RBAK: variants seen among roughly 807,000 people sequenced by gnomAD.
RBAK encodes RB associated KRAB zinc finger, also known as RB-associated KRAB zinc finger protein.
Under a neutral mutation model 65.8 loss-of-function variants are expected in RBAK, and 39 were observed. The observed-to-expected ratio is 0.59, with a 90% CI of 0.46 to 0.77. RBAK has a LOEUF of 0.77. RBAK is among the 30% of genes least tolerant of loss of function. The probability of loss-of-function intolerance (pLI) is 0.00; values close to 1 mark genes in which losing one functional copy is unlikely to be tolerated. For missense variants in RBAK, 884 were observed against 855.1 expected (o/e 1.03, Z -0.42); for synonymous variants, 343 against 289.7 (o/e 1.18, Z -1.87).
intron 1 of RBAK, among the ~76,000 whole-genome samples, chr7:5,047,285 G>A (rs1171063275): frequency 2.6e-5 from 4 of 152,148 alleles, no homozygotes; most frequent in East Asian, 1.9e-4. Context: ...TGTGGTCCCA[G>A]CTACTCAGGA....
At chr7:5,050,330 T>C (rs1788088591) in intron 2 of RBAK, among the ~76,000 whole-genome samples, 1 of 152,238 alleles carries the variant, frequency 6.6e-6, no homozygotes, top group African/African-American at 2.4e-5. Flanking sequence ...TTAAAAAATA[T>C]ATCTTTTATG....
In RBAK at chr7:5,063,926, A is replaced by G; in HGVS notation, c.470A>G (p.Tyr157Cys). The G allele has an allele frequency of 1.2e-6, 2 of 1,614,030 alleles. No homozygotes were observed. Among genetic ancestry groups the G allele is most frequent in the Non-Finnish European group, 1.7e-6 (2 of 1,179,912 alleles). Residue 157 changes from tyrosine (Y) to cysteine (C), a missense_variant, in exon 5 of 5, where the codon TAT (tyrosine) becomes TGT (cysteine). Coordinates refer to ENST00000396912, the MANE Select transcript of RBAK (RefSeq NM_021163.4). ...CAATTAATTAGTAGTGATGGAAGCT[A>G]TGCTAGGACAAAACCTGATGAGTGT... ...ISQLISSDGS[Y>C]ARTKPDECNE... is the part of the protein sequence containing the mutation.
rs1779261664 is a variant in RBAK, at chr7:5,067,974, A to C, written c.*2373A>C. 1 of 152,240 alleles carries C rather than the reference A, an allele frequency of 6.6e-6. No individual in the cohort carries two copies. Among genetic ancestry groups the C allele is most frequent in the African/African-American group, 2.4e-5 (1 of 41,458 alleles). The allele number at this position is 152,240 out of a possible 1,614,324, so 9.4% of individuals were successfully genotyped here. On this transcript the variant is annotated 3_prime_UTR_variant, in exon 5 of 5. Coordinates refer to ENST00000396912, the MANE Select transcript of RBAK (RefSeq NM_021163.4). ...TAGGACAGTTTGTAATCTTGGAGTA[A>C]GCAAAGGTTTATTGAGACCCAAAAA... is the stretch of plus-strand genomic sequence containing the variant.
At chr7:5,054,417 A>C (rs769624421) in intron 2 of RBAK, among the ~76,000 whole-genome samples, 54 of 151,966 alleles carry the variant, frequency 3.6e-4, no homozygotes, top group Admixed American at 1.1e-3. Flanking sequence ...AAAAAAAAAA[A>C]AAAAACCATT....
In RBAK at chr7:5,065,826, G is replaced by A. The variant is rs563438967; in HGVS notation, c.*225G>A. The A allele has an allele frequency of 2.9e-6, 1 of 347,284 alleles. No homozygotes were observed. 21.5% of individuals were successfully genotyped at this position (347,284 alleles called of 1,614,324 possible). ...GACTCATCGGACACTAATTTATATA[G>A]GAGTGAAGTTTTATAAATATTTAAT... On this transcript the variant is annotated 3_prime_UTR_variant, in exon 5 of 5. Coordinates refer to ENST00000396912, the MANE Select transcript of RBAK (RefSeq NM_021163.4). This position sits in a 1 kb window ranked among gnomAD's most constrained non-coding sequence, Gnocchi z 5.3.
chr7:5,050,710 G>A (rs1458964955), intron 2 of RBAK, among the ~76,000 whole-genome samples: 1 of 152,032 alleles, frequency 6.6e-6, no homozygotes, highest in African/African-American at 2.4e-5. Context: ...AAGTAGCTGG[G>A]AGTATAGTCA....
At chr7:5,051,556 T>A (rs967745088) in intron 2 of RBAK, among the ~76,000 whole-genome samples, 7 of 152,292 alleles carry the variant, frequency 4.6e-5, no homozygotes, top group Admixed American at 2.6e-4. Context: ...TCCCAATAAT[T>A]TCCTTTATAG....
At position 5,046,362 on chromosome 7, in the gene RBAK, G is replaced by C. The variant is rs754112473; in HGVS notation, c.-79G>C. On this transcript the variant is annotated 5_prime_UTR_variant, in exon 1 of 5. Transcript: ENST00000396912. ...CAGCAGCCCCGCCCCGGCCTCTCGG[G>C]AGCCGTGGGGCAGAGGCTGCGGAGC... 1.9e-5 allele frequency: 10 copies of C among 516,008 alleles called. No homozygotes were observed. In the Admixed American group the frequency reaches 1.9e-4, roughly 10 times the overall value. 32.0% of individuals were successfully genotyped at this position (516,008 alleles called of 1,614,324 possible).
chr7:5,046,536 C>T (rs1003272206), intron 1 of RBAK, 140 bp downstream of exon 1: 5 of 350,956 alleles, frequency 1.4e-5, no homozygotes, highest in Non-Finnish European at 2.8e-5. Flanking sequence ...GGGCAGGGTC[C>T]GGCTGCACCG....
intron 4 of RBAK, among the ~76,000 whole-genome samples, chr7:5,062,868 CGGCTCACCGGCAGTCA>C (rs1323832886): frequency 6.6e-6 from 1 of 152,192 alleles, no homozygotes; most frequent in African/African-American, 2.4e-5. Context: ...CTGTTCCACC[CGGCTCACCGGCAGTCA>C]GAGTTTAAGG....
rs1287159906 is a variant in RBAK at position 5,067,657 on chromosome 7, TTGAAA to T, written c.*2058_*2062del. The T allele has an allele frequency of 6.6e-6, 1 of 152,192 alleles. No individual in the cohort carries two copies. Among genetic ancestry groups the T allele is most frequent in the African/African-American group, 2.4e-5 (1 of 41,450 alleles). 9.4% of individuals were successfully genotyped at this position (152,192 alleles called of 1,614,324 possible). On this transcript the variant is annotated 3_prime_UTR_variant, in exon 5 of 5. Coordinates refer to ENST00000396912, the MANE Select transcript of RBAK (RefSeq NM_021163.4). ...TATCCTGTAGAATGGACAGAGAGGA[TTGAAA>T]TTTCTAAATATCAAGACCTGTTATA... is the stretch of plus-strand genomic sequence containing the variant.
intron 1 of RBAK, among the ~76,000 whole-genome samples, chr7:5,047,388 G>C (rs1207067874): frequency 1.3e-5 from 2 of 152,104 alleles, no homozygotes; most frequent in Non-Finnish European, 2.9e-5. Context: ...GGCAGATTGA[G>C]ACCCTGTCTC....
At position 5,057,376 on chromosome 7, in the gene RBAK, T is replaced by C; in HGVS notation, c.97T>C (p.Tyr33His). Residue 33 changes from tyrosine (Y) to histidine (H), a missense_variant, in exon 3 of 5, where the codon TAC (tyrosine) becomes CAC (histidine). By Grantham distance (83) the Tyr-to-His change is moderately conservative. Transcript: ENST00000396912. The stretch of plus-strand genomic sequence containing the variant: ...GCTGGACCCTGATGAGAAGATAACT[T>C]ACAGGGATGTGATGTTGGAGAACTA... ...QQLDPDEKIT[Y>H]RDVMLENYSH... 6.2e-7 allele frequency: 1 copy of C among 1,614,104 alleles called. No individual in the cohort carries two copies. The highest frequency in any genetic ancestry group is 8.5e-7 in the Non-Finnish European group (1 of 1,180,018).
Position 5,063,840 on chromosome 7 carries a change from T to G in RBAK, c.384T>G (p.Val128=). 1.2e-6 allele frequency: 2 copies of G among 1,614,092 alleles called. No individual in the cohort carries two copies. Among genetic ancestry groups the G allele is most frequent in the Non-Finnish European group, 1.7e-6 (2 of 1,179,986 alleles). ...AAATTTACATGGAAACAAGCCTTGT[T>G]CCTTCAAGCATAATAGCTCATAATT... ...FSQIYMETSL[V]PSSIIAHNCV... The change falls in exon 5 of 5, where the codon GTT becomes GTG. Residue 128 remains valine, a synonymous_variant. Transcript: ENST00000396912.
At chr7:5,056,490 C>G (rs565168963) in intron 2 of RBAK, among the ~76,000 whole-genome samples, 2 of 152,178 alleles carry the variant, frequency 1.3e-5, no homozygotes, top group African/African-American at 4.8e-5. Context: ...ATTCTTCTTC[C>G]CCTTCATCCC....
intron 4 of RBAK, among the ~76,000 whole-genome samples, chr7:5,062,874 A>G (rs1779111535): frequency 6.6e-6 from 1 of 152,208 alleles, no homozygotes; most frequent in African/African-American, 2.4e-5. Context: ...CACCCGGCTC[A>G]CCGGCAGTCA....
At chr7:5,055,160 C>A (rs1423299025) in intron 2 of RBAK, among the ~76,000 whole-genome samples, 1 of 151,532 alleles carries the variant, frequency 6.6e-6, no homozygotes, top group Non-Finnish European at 1.5e-5. Context: ...TTATTAATAC[C>A]TTGTTCTTGA....
intron 4 of RBAK, among the ~76,000 whole-genome samples, chr7:5,062,975 G>A (rs148030957): frequency 0.015 from 2,321 of 152,144 alleles, 20 homozygotes; most frequent in Non-Finnish European, 0.023. Flanking sequence ...TCAAACACAC[G>A]TGCTCTACAA....
chr7:5,048,108 G>A lies in RBAK; in HGVS notation c.15+17G>A, dbSNP rs1788034753. On this transcript the variant is annotated intron_variant, in intron 2 of 4. Coordinates refer to ENST00000396912, the MANE Select transcript of RBAK (RefSeq NM_021163.4). This position sits in a 1 kb window ranked among gnomAD's most constrained non-coding sequence, Gnocchi z 4.4. ...ACATTGCAGGTGAGTTTTCATGCTT[G>A]TGTATATGTTCCTCAACTTTATTTT... 1.9e-6 allele frequency: 3 copies of A among 1,591,472 alleles called. No homozygotes were observed. In the East Asian group the frequency reaches 6.7e-5, roughly 36 times the overall value.
Sources: gnomAD v4.1 joint callset for allele counts (sites outside exome capture counted in the v4.1 genomes callset) on GRCh38, gnomAD v4.1.1 for gene constraint, Gnocchi (gnomAD v3.1) non-coding constraint, MANE v1.5 for transcripts, NCBI Gene and HGNC (gene_info 2026-07-23, HGNC 2026-07-21) for gene names.